TPPP: variants seen among roughly 807,000 people sequenced by gnomAD.
TPPP encodes the protein tubulin polymerization-promoting protein.
TPPP carries 6 observed loss-of-function variants against 15.5 expected under a neutral mutation model. The ratio of observed to expected loss-of-function variants is 0.39; its 90% CI spans 0.21 to 0.77. The LOEUF (loss-of-function observed/expected upper bound fraction) is 0.77. Among genes scored for constraint, TPPP ranks in the 30% least tolerant of loss-of-function variants. The probability of loss-of-function intolerance (pLI) is 0.42; values close to 1 mark genes in which losing one functional copy is unlikely to be tolerated. For synonymous variants in TPPP, 146 were observed against 133.9 expected (o/e 1.09, Z -0.63); for missense variants, 269 against 307.2 (o/e 0.88, Z 0.93).
At chr5:669,741 G>A (rs571604305) in intron 2 of TPPP, among the ~76,000 whole-genome samples, 11 of 152,182 alleles carry the variant, frequency 7.2e-5, no homozygotes, top group South Asian at 2.1e-4. Context: ...CGAGTGTCTC[G>A]GGGAAAGGGC....
intron 2 of TPPP, among the ~76,000 whole-genome samples, chr5:670,436 C>T (rs1740178398): frequency 6.6e-6 from 1 of 152,172 alleles, no homozygotes. Flanking sequence ...CAGCCTCTCC[C>T]TGTACTTAGG....
intron 2 of TPPP, among the ~76,000 whole-genome samples, chr5:669,563 G>T (rs573912356): frequency 1.3e-5 from 2 of 152,140 alleles, no homozygotes; most frequent in East Asian, 3.9e-4. Context: ...ACATGCGGAC[G>T]CCAGGCCTGA....
upstream of TPPP, among the ~76,000 whole-genome samples, chr5:694,300 G>C (rs950867691): frequency 4.7e-5 from 7 of 148,984 alleles, no homozygotes; most frequent in Non-Finnish European, 9.1e-5. Flanking sequence ...GAGGGGCATA[G>C]GGGCACCTGC....
chr5:668,996 G>A (rs528796060), intron 2 of TPPP, among the ~76,000 whole-genome samples: 8 of 152,292 alleles, frequency 5.3e-5, no homozygotes, highest in Non-Finnish European at 8.8e-5. Flanking sequence ...CACTTTACAC[G>A]CGTGTCCTAA....
intron 2 of TPPP, among the ~76,000 whole-genome samples, chr5:672,928 G>A (rs1392976938): frequency 1.3e-5 from 2 of 152,228 alleles, no homozygotes; most frequent in Non-Finnish European, 2.9e-5. Context: ...CCATGGCAAC[G>A]AGGACTAAAC....
chr5:677,681 C>A (rs1286923114), intron 2 of TPPP, 69 bp downstream of exon 2: 3 of 1,445,180 alleles, frequency 2.1e-6, no homozygotes, highest in African/African-American at 2.9e-5. Flanking sequence ...CCACAGAACC[C>A]ACCCAGGGGC....
At chr5:686,441 C>G (rs1740769780) in intron 1 of TPPP, among the ~76,000 whole-genome samples, 1 of 151,894 alleles carries the variant, frequency 6.6e-6, no homozygotes, top group Admixed American at 6.6e-5. Context: ...GGTCCCTCAT[C>G]CAGCGCAGCT....
chr5:674,195 C>A (rs1051449414), intron 2 of TPPP, among the ~76,000 whole-genome samples: 1 of 152,214 alleles, frequency 6.6e-6, no homozygotes, highest in Non-Finnish European at 1.5e-5. Flanking sequence ...TCCTGTGTAT[C>A]CTGGAACACA....
intron 2 of TPPP, among the ~76,000 whole-genome samples, chr5:676,902 CGCGCGCAT>C (rs1360799070): frequency 2.2e-4 from 29 of 134,116 alleles, no homozygotes; most frequent in African/African-American, 8.5e-4. Context: ...GAAACGCGCA[CGCGCGCAT>C]ACACGACGCA....
rs1430212265 is a variant in TPPP at position 661,770 on chromosome 5, C to T, written c.*3332G>A. On this transcript the variant is annotated 3_prime_UTR_variant, in exon 4 of 4. Coordinates refer to ENST00000360578, the MANE Select transcript of TPPP (RefSeq NM_007030.3). ...AGTGGTGACCACTATGTCCTCGTGA[C>T]TTTATTTTTGCTACCCCTCCTGGCT... 1.3e-5 allele frequency: 2 copies of T among 152,380 alleles called. No individual in the cohort carries two copies. The highest frequency in any genetic ancestry group is 6.5e-5 in the Admixed American group (1 of 15,286). The allele number at this position is 152,380 out of a possible 1,614,324, so 9.4% of individuals were successfully genotyped here. A position where few individuals can be genotyped will look rare whatever the true frequency, so the allele number is the denominator to read the frequency against.
chr5:677,970 G>T lies in TPPP; in HGVS notation c.91C>A (p.Leu31Met). 1.9e-6 allele frequency: 3 copies of T among 1,610,802 alleles called. No individual in the cohort carries two copies. The highest frequency in any genetic ancestry group is 2.5e-6 in the Non-Finnish European group (3 of 1,179,038). The change falls in exon 2 of 4, where the codon CTG becomes ATG. Residue 31 changes from leucine (L) to methionine (M), a missense_variant. Transcript: ENST00000360578. ...DPSKDRAAKR[L>M]SLESEGAGEG... Reference sequence around the variant, plus strand: ...CCAGCACCCTCCGATTCCAGCGACAGCCTCTTGGCTGCCCGGTCCTTCGAG... The same window carrying T: ...CCAGCACCCTCCGATTCCAGCGACATCCTCTTGGCTGCCCGGTCCTTCGAG...
upstream of TPPP, among the ~76,000 whole-genome samples, chr5:693,611 G>A (rs1395728896): frequency 1.3e-5 from 2 of 151,892 alleles, no homozygotes; most frequent in African/African-American, 2.4e-5. Flanking sequence ...CGGCCGACCC[G>A]CGGGTCGTGG....
chr5:693,569 C>A (rs997326408), upstream of TPPP, among the ~76,000 whole-genome samples: 1 of 151,662 alleles, frequency 6.6e-6, no homozygotes, highest in Non-Finnish European at 1.5e-5. Context: ...TCAGGCCCCG[C>A]GGACCGCCGG....
chr5:664,955 G>T lies in TPPP; in HGVS notation c.*147C>A. ...GCATCCGGTAGGAGGAGGGGCAGGAGGGAGGCCTGGGCCTGGCCGCCCCCC... is the reference window on the plus strand; with the variant it reads ...GCATCCGGTAGGAGGAGGGGCAGGATGGAGGCCTGGGCCTGGCCGCCCCCC... On this transcript the variant is annotated 3_prime_UTR_variant, in exon 4 of 4. Coordinates refer to ENST00000360578, the MANE Select transcript of TPPP (RefSeq NM_007030.3). 1 of 873,934 alleles carries T rather than the reference G, an allele frequency of 1.1e-6. No homozygotes were observed. The highest frequency in any genetic ancestry group is 1.7e-6 in the Non-Finnish European group (1 of 577,488). The allele number at this position is 873,934 out of a possible 1,614,324, so 54.1% of individuals were successfully genotyped here. A position where few individuals can be genotyped will look rare whatever the true frequency, so the allele number is the denominator to read the frequency against.
Position 660,214 on chromosome 5 carries a change from T to C in TPPP, c.*4888A>G, listed in dbSNP as rs1253806426. The stretch of plus-strand genomic sequence containing the variant: ...TAAAAATATATTGCACATATATATA[T>C]ATATATATATATATAAATTTGTTTC... On this transcript the variant is annotated 3_prime_UTR_variant, in exon 4 of 4. Transcript: ENST00000360578. The C allele has an allele frequency of 6.6e-6, 1 of 151,056 alleles. No homozygotes were observed. The highest frequency in any genetic ancestry group is 2.4e-5 in the African/African-American group (1 of 41,252). The allele number at this position is 151,056 out of a possible 1,614,324, so 9.4% of individuals were successfully genotyped here. A position where few individuals can be genotyped will look rare whatever the true frequency, so the allele number is the denominator to read the frequency against.
chr5:666,209 G>C, intron 2 of TPPP, 86 bp from the exon 3 acceptor site: 1 of 1,453,468 alleles, frequency 6.9e-7, no homozygotes, highest in Non-Finnish European at 9.3e-7. Context: ...GAGCTGGACA[G>C]CCATGGCCCA....
intron 2 of TPPP, among the ~76,000 whole-genome samples, chr5:674,550 T>C (rs1561086393): frequency 6.6e-6 from 1 of 152,134 alleles, no homozygotes; most frequent in Non-Finnish European, 1.5e-5. Flanking sequence ...ACAAGGGCAC[T>C]GTCTGTGCCA....
At chr5:674,989 C>G (rs1458593336) in intron 2 of TPPP, among the ~76,000 whole-genome samples, 10 of 137,934 alleles carry the variant, frequency 7.2e-5, no homozygotes, top group Admixed American at 3.9e-4. Flanking sequence ...GGATCTGTGG[C>G]CGGGGGAGCA....
chr5:678,154 C>T, intron 1 of TPPP, 90 bp from the exon 2 acceptor site: 7 of 1,366,252 alleles, frequency 5.1e-6, no homozygotes, highest in Non-Finnish European at 6.8e-6. Flanking sequence ...TACCAATGAG[C>T]ACCAGGACGT....
Sources: allele counts gnomAD v4.1 joint callset (sites outside exome capture counted in the v4.1 genomes callset), GRCh38; gene constraint gnomAD v4.1.1; transcripts MANE v1.5; gene names NCBI Gene and HGNC (gene_info 2026-07-23, HGNC 2026-07-21).